The following ZNF385D variants were observed in gnomAD, a reference collection of about 807,000 sequenced individuals.
ZNF385D encodes zinc finger protein 385D.
In ZNF385D, 15 loss-of-function variants were observed where a neutral mutation model predicts 35.8. That is an observed-to-expected ratio of 0.42 (90% CI 0.28 to 0.64). The LOEUF is 0.64. ZNF385D is among the 30% of genes least tolerant of loss of function. The pLI is 0.23. For synonymous variants in ZNF385D, 212 were observed against 186.8 expected, an observed-to-expected ratio of 1.13 and a Z score of -1.10; for missense variants, 474 against 494.6, an observed-to-expected ratio of 0.96 and a Z score of 0.39.
chr3:21,436,984 T>C lies in ZNF385D; in HGVS notation c.659A>G (p.Glu220Gly), dbSNP rs147799404. ...KVAVNSASQL[E>G]AHNSGTKHKT... ...CTGCATCTCACCACTGTTGTGCGCC[T>C]CCAGCTGCGAGGCAGAGTTGACAGC... Residue 220 changes from glutamate to glycine, a missense_variant, in exon 5 of 8, where the codon GAG (glutamate) becomes GGG (glycine). Glu to Gly is a moderately conservative substitution (Grantham distance 98). Transcript: ENST00000281523. 1 of 1,613,882 alleles carries C rather than the reference T, an allele frequency of 6.2e-7. No homozygotes were observed. The highest frequency in any genetic ancestry group is 1.3e-5 in the African/African-American group (1 of 75,044).
At chr3:22,309,202 G>T (rs1172228516) in intron 2 of ZNF385D, among the ~76,000 whole-genome samples, 1 of 152,054 alleles carries the variant, frequency 6.6e-6, no homozygotes, top group African/African-American at 2.4e-5. Flanking sequence ...GTGAAAAGGA[G>T]GAAGATATTT....
At chr3:22,325,976 C>T (rs532285014) in intron 2 of ZNF385D, among the ~76,000 whole-genome samples, 1 of 152,198 alleles carries the variant, frequency 6.6e-6, no homozygotes, top group South Asian at 2.1e-4. Context: ...TACCTCATAG[C>T]AGGTGCACCA....
chr3:21,686,444 A>G (rs1244395816), intron 1 of ZNF385D, among the ~76,000 whole-genome samples: 1 of 152,226 alleles, frequency 6.6e-6, no homozygotes, highest in Non-Finnish European at 1.5e-5. Context: ...ATACTGAACT[A>G]TCGCAATATA....
At chr3:21,589,760 T>C (rs2063915307) in intron 2 of ZNF385D, among the ~76,000 whole-genome samples, 1 of 152,148 alleles carries the variant, frequency 6.6e-6, no homozygotes, top group African/African-American at 2.4e-5. Flanking sequence ...TCTAGGATAT[T>C]TAGTGAAAAA....
At chr3:21,790,990 A>G (rs997082641) in intron 3 of ZNF385D, among the ~76,000 whole-genome samples, 1 of 152,230 alleles carries the variant, frequency 6.6e-6, no homozygotes, top group African/African-American at 2.4e-5. Context: ...CAATGCGAAG[A>G]AATACACAGA....
At chr3:21,773,263 T>C (rs964967917) in intron 3 of ZNF385D, among the ~76,000 whole-genome samples, 2 of 147,090 alleles carry the variant, frequency 1.4e-5, no homozygotes, top group Non-Finnish European at 1.5e-5. Flanking sequence ...AAATAAAAGA[T>C]ATTTACCATT....
At chr3:22,138,364 TC>T (rs1344940221) in intron 3 of ZNF385D, among the ~76,000 whole-genome samples, 1 of 151,998 alleles carries the variant, frequency 6.6e-6, no homozygotes, top group African/African-American at 2.4e-5. Context: ...GCCAAGTGAG[TC>T]CTAAGCCAAA....
At chr3:22,094,288 T>C (rs908607110) in intron 3 of ZNF385D, among the ~76,000 whole-genome samples, 5 of 148,186 alleles carry the variant, frequency 3.4e-5, no homozygotes, top group African/African-American at 1.2e-4. Context: ...TATCCTTGAA[T>C]GCACACTTGG....
At chr3:22,194,944 C>CA (rs1696309463) in intron 2 of ZNF385D, among the ~76,000 whole-genome samples, 2 of 151,886 alleles carry the variant, frequency 1.3e-5, no homozygotes, top group Non-Finnish European at 2.9e-5. Flanking sequence ...ATAAATCCCT[C>CA]ATACAGGCTG....
intron 4 of ZNF385D, among the ~76,000 whole-genome samples, chr3:21,442,895 G>GTGTC (rs1195574327): frequency 6.6e-6 from 1 of 151,374 alleles, no homozygotes; most frequent in Non-Finnish European, 1.5e-5. Flanking sequence ...AAGTGTGTGT[G>GTGTC]TGTGTGTGTG....
At chr3:22,298,531 T>A (rs1035179825) in intron 2 of ZNF385D, among the ~76,000 whole-genome samples, 1 of 143,676 alleles carries the variant, frequency 7.0e-6, no homozygotes, top group Non-Finnish European at 1.5e-5. Flanking sequence ...ATAATATATA[T>A]ACATAAAACA....
intron 1 of ZNF385D, among the ~76,000 whole-genome samples, chr3:21,737,281 C>T (rs1311916566): frequency 6.6e-6 from 1 of 152,124 alleles, no homozygotes. Flanking sequence ...CTATGATAGT[C>T]ATTGTTTTTA....
At chr3:22,262,184 A>G (rs1341490003) in intron 2 of ZNF385D, among the ~76,000 whole-genome samples, 3 of 151,930 alleles carry the variant, frequency 2.0e-5, no homozygotes, top group Admixed American at 6.6e-5. Context: ...AGTAGAAAAC[A>G]TTGGCATGTT....
upstream of ZNF385D, among the ~76,000 whole-genome samples, chr3:21,753,402 A>G (rs2070191112): frequency 6.6e-6 from 1 of 152,204 alleles, no homozygotes; most frequent in Non-Finnish European, 1.5e-5. Flanking sequence ...ATATATCTAT[A>G]TGGTCACAAA....
chr3:21,454,831 T>C (rs140125440), intron 4 of ZNF385D, among the ~76,000 whole-genome samples: 2,247 of 152,288 alleles, frequency 0.015, 56 homozygotes, highest in African/African-American at 0.051. Flanking sequence ...ATTGTATATC[T>C]AGAAAACCCC....
chr3:22,344,177 GGTGTGTGTGTGTGTGT>G (rs571896117), intron 2 of ZNF385D, among the ~76,000 whole-genome samples: 3 of 140,846 alleles, frequency 2.1e-5, no homozygotes, highest in Non-Finnish European at 3.1e-5. Context: ...GGTGGGGTGG[GGTGTGTGTGTGTGTGT>G]GTGTGTGTGT....
rs143712024 is a variant in ZNF385D at position 21,642,565 on chromosome 3, C to T, written c.165+22321G>A. 7.3e-3 allele frequency among the ~76,000 whole-genome samples: 1,113 copies of T among 152,206 alleles called. 6 individuals are homozygous for T. The highest frequency in any genetic ancestry group is 0.013 in the Non-Finnish European group (854 of 68,012). On this transcript the variant is annotated intron_variant, in intron 2 of 7. Transcript: ENST00000281523. Reference sequence around the variant, plus strand: ...CACCCTACCTAGATTCAGTCAGCAACATTCACTAATTAAGAGAAAGCAGAG... The same window carrying T: ...CACCCTACCTAGATTCAGTCAGCAATATTCACTAATTAAGAGAAAGCAGAG...
chr3:22,170,090 A>G (rs750265149), intron 2 of ZNF385D, among the ~76,000 whole-genome samples: 3 of 152,206 alleles, frequency 2.0e-5, no homozygotes, highest in Non-Finnish European at 4.4e-5. Flanking sequence ...CTAGCACACT[A>G]TGGTCCAGAT....
At chr3:21,859,754 G>A (rs1696945481) in intron 3 of ZNF385D, among the ~76,000 whole-genome samples, 1 of 150,894 alleles carries the variant, frequency 6.6e-6, no homozygotes, top group African/African-American at 2.4e-5. Context: ...TAATCCTTAT[G>A]TTAATTATTG....
Sources: allele counts gnomAD v4.1 joint callset (sites outside exome capture counted in the v4.1 genomes callset), GRCh38; gene constraint gnomAD v4.1.1; transcripts MANE v1.5; gene names NCBI Gene and HGNC (gene_info 2026-07-23, HGNC 2026-07-21).